The following GBF1 variants were observed in gnomAD, a reference collection of about 807,000 sequenced individuals.
GBF1 encodes the protein golgi brefeldin A resistant guanine nucleotide exchange factor 1.
Under a neutral mutation model 210.5 loss-of-function variants are expected in GBF1, and 114 were observed. The observed-to-expected ratio is 0.54, with a 90% CI of 0.47 to 0.63. The LOEUF is 0.63. GBF1 is among the 30% of genes least tolerant of loss of function. The pLI, the probability that GBF1 is intolerant of heterozygous loss-of-function variation, is 0.00. For missense variants in GBF1, 1,851 were observed against 2,357.7 expected, an observed-to-expected ratio of 0.79 and a Z score of 4.45; for synonymous variants, 850 against 889.2, an observed-to-expected ratio of 0.96 and a Z score of 0.78.
chr10:102,305,822 C>G (rs1307848801), intron 3 of GBF1, among the ~76,000 whole-genome samples: 1 of 152,128 alleles, frequency 6.6e-6, no homozygotes, highest in Non-Finnish European at 1.5e-5. Flanking sequence ...TTTTGTATGC[C>G]AGACACTTGT....
intron 3 of GBF1, among the ~76,000 whole-genome samples, chr10:102,289,508 T>A (rs1031691134): frequency 1.3e-5 from 2 of 152,218 alleles, no homozygotes; most frequent in East Asian, 3.8e-4. Flanking sequence ...GAGGATCATT[T>A]GAGCCCAGGT....
chr10:102,232,193 C>A, the GBF1 span: 1 of 708,234 alleles, frequency 1.4e-6, no homozygotes, highest in Non-Finnish European at 2.5e-6. Context: ...GCGCCTTTCT[C>A]AACCCCAGCC....
intron 3 of GBF1, among the ~76,000 whole-genome samples, chr10:102,285,665 AGTTT>A (rs1050441066): frequency 4.6e-5 from 7 of 152,144 alleles, no homozygotes; most frequent in East Asian, 3.9e-4. Context: ...TTAATGTTTT[AGTTT>A]GTTTTTCTTT....
At chr10:102,266,747 T>C (rs1479946530) in intron 3 of GBF1, among the ~76,000 whole-genome samples, 1 of 152,194 alleles carries the variant, frequency 6.6e-6, no homozygotes, top group Non-Finnish European at 1.5e-5. Flanking sequence ...CCCAAAGACA[T>C]TGGTGGGTTG....
intron 3 of GBF1, among the ~76,000 whole-genome samples, chr10:102,338,740 A>G (rs1015341356): frequency 6.6e-6 from 1 of 151,836 alleles, no homozygotes; most frequent in Non-Finnish European, 1.5e-5. Context: ...TGAGGTTGGG[A>G]GTTTGAGACC....
chr10:102,346,535 G>T (rs760384444), intron 4 of GBF1, among the ~76,000 whole-genome samples: 4 of 152,156 alleles, frequency 2.6e-5, no homozygotes, highest in Admixed American at 6.5e-5. Flanking sequence ...TTGAGACAGG[G>T]TCTTGCTCTG....
At chr10:102,280,428 AG>A (rs1266167210) in intron 3 of GBF1, among the ~76,000 whole-genome samples, 6 of 152,146 alleles carry the variant, frequency 3.9e-5, no homozygotes, top group African/African-American at 1.4e-4. Flanking sequence ...ATGGAACTGA[AG>A]GTTTTACCCT....
intron 1 of GBF1, among the ~76,000 whole-genome samples, chr10:102,255,299 C>G (rs2072187366): frequency 6.6e-6 from 1 of 152,102 alleles, no homozygotes; most frequent in African/African-American, 2.4e-5. Context: ...CCTCAGCCTC[C>G]CAGAGTGCTG....
Position 102,364,228 on chromosome 10 carries a change from T to C in GBF1, c.2106+430T>C, listed in dbSNP as rs567205324. On this transcript the variant is annotated intron_variant, in intron 17 of 39. Coordinates refer to ENST00000369983, the MANE Select transcript of GBF1 (RefSeq NM_001377137.1). ...TGTACTTTGGATTTCTTTTTTTTTTTTTTTTTTTTTTTTTCAGACGGAGTC... is the reference window on the plus strand; with the variant it reads ...TGTACTTTGGATTTCTTTTTTTTTTCTTTTTTTTTTTTTTCAGACGGAGTC... Among the ~76,000 whole-genome samples, 246 of 139,720 alleles carry C rather than the reference T, an allele frequency of 1.8e-3. 1 individual carries two copies. The highest frequency in any genetic ancestry group is 6.2e-3 in the African/African-American group (234 of 37,808). 91.7% of individuals were successfully genotyped at this position (139,720 alleles called of 152,430 possible).
intron 17 of GBF1, 76 bp from the exon 18 acceptor site, chr10:102,365,321 C>A: frequency 1.9e-6 from 2 of 1,073,430 alleles, no homozygotes; most frequent in South Asian, 1.3e-5. Flanking sequence ...TGTGGGTGGG[C>A]TATGGTGGAC....
intron 3 of GBF1, among the ~76,000 whole-genome samples, chr10:102,324,098 C>T (rs575618628): frequency 2.0e-5 from 3 of 152,262 alleles, no homozygotes; most frequent in African/African-American, 7.2e-5. Flanking sequence ...CTTCTTCCTA[C>T]CCTGGATTTG....
intron 3 of GBF1, among the ~76,000 whole-genome samples, chr10:102,289,997 G>A (rs570280992): frequency 5.9e-5 from 9 of 152,136 alleles, no homozygotes; most frequent in African/African-American, 1.9e-4. Flanking sequence ...TGTAGTCCCA[G>A]CTACTCAGGA....
intron 3 of GBF1, among the ~76,000 whole-genome samples, chr10:102,266,011 G>C (rs1360162586): frequency 6.6e-6 from 1 of 152,178 alleles, no homozygotes; most frequent in Non-Finnish European, 1.5e-5. Flanking sequence ...GCCGAGGCGG[G>C]CAGATCACGA....
At position 102,379,886 on chromosome 10, in the gene GBF1, A is replaced by G; in HGVS notation, c.4810A>G (p.Asn1604Asp). 6.2e-7 allele frequency: 1 copy of G among 1,613,560 alleles called. No homozygotes were observed. The highest frequency in any genetic ancestry group is 8.5e-7 in the Non-Finnish European group (1 of 1,179,566). The change falls in exon 36 of 40, where the codon AAC becomes GAC. Residue 1604 changes from asparagine to aspartate, a missense_variant. Physicochemically the swap from Asn to Asp is conservative, Grantham distance 23. This residue lies in a region of GBF1 where 967 missense variants were observed against 1,247.7 expected (regional missense o/e 0.78). Transcript: ENST00000369983. ...LFPLLTKLLE[N>D]ISPADVGGME... ...TCCTCTACTTACCAAGCTCTTGGAG[A>G]ACATCAGCCCTGCAGATGTGGGTGG...
intron 3 of GBF1, among the ~76,000 whole-genome samples, chr10:102,317,485 G>C (rs1289138037): frequency 6.6e-6 from 1 of 152,124 alleles, no homozygotes; most frequent in Non-Finnish European, 1.5e-5. Context: ...AGGCATGGTG[G>C]CACATGCCTG....
intron 3 of GBF1, among the ~76,000 whole-genome samples, chr10:102,310,079 T>TA (rs1395114812): frequency 2.0e-5 from 3 of 152,246 alleles, no homozygotes; most frequent in Admixed American, 6.5e-5. Context: ...TGTGGATAGT[T>TA]ACGGTATTTA....
intron 3 of GBF1, among the ~76,000 whole-genome samples, chr10:102,302,157 T>C (rs1395571161): frequency 1.3e-5 from 2 of 151,822 alleles, no homozygotes; most frequent in Non-Finnish European, 2.9e-5. Flanking sequence ...CCCAGGCACT[T>C]GGCAGGCTGA....
At chr10:102,235,621 A>G in the GBF1 span, among the ~76,000 whole-genome samples, 3 of 152,212 alleles carry the variant, frequency 2.0e-5, no homozygotes, top group African/African-American at 7.2e-5. Context: ...CTACCTGAGT[A>G]GTTTTTTTTC....
At position 102,362,050 on chromosome 10, in the gene GBF1, C is replaced by CTTT. The variant is rs1164670758; in HGVS notation, c.1686+160_1686+162dup. ...GAAGAAAGGCATTTTCTTTTCTTTT[C>CTTT]TTTTTTTTTTTTTTTTTTTTTTTTG... On this transcript the variant is annotated intron_variant, in intron 14 of 39. Transcript: ENST00000369983. 3.6e-3 allele frequency: 450 copies of CTTT among 124,624 alleles called. 4 individuals are homozygous for CTTT. Among genetic ancestry groups the CTTT allele is most frequent in the South Asian group, 6.2e-3 (62 of 9,958 alleles). The allele number at this position is 124,624 out of a possible 1,614,324, so 7.7% of individuals were successfully genotyped here. A position where few individuals can be genotyped will look rare whatever the true frequency, so the allele number is the denominator to read the frequency against.
Sources: allele counts gnomAD v4.1 joint callset (sites outside exome capture counted in the v4.1 genomes callset), GRCh38; gene constraint gnomAD v4.1.1; regional missense constraint gnomAD v4.1.1; transcripts MANE v1.5; gene names NCBI Gene and HGNC (gene_info 2026-07-23, HGNC 2026-07-21).